Variants in HMGN3 observed in about 807,000 individuals in gnomAD.
HMGN3 encodes the protein high mobility group nucleosome-binding domain-containing protein 3.
Under a neutral mutation model 18.8 loss-of-function variants are expected in HMGN3, and 6 were observed. That is an observed-to-expected ratio of 0.32 (90% CI 0.18 to 0.63). HMGN3 has a LOEUF of 0.63. HMGN3 is among the 30% of genes least tolerant of loss of function. The pLI, the probability that HMGN3 is intolerant of heterozygous loss-of-function variation, is 0.79. For synonymous variants in HMGN3, 40 were observed against 36.5 expected (o/e 1.10, Z -0.35); for missense variants, 107 against 114.2 (o/e 0.94, Z 0.29).
intron 3 of HMGN3, among the ~76,000 whole-genome samples, chr6:79,206,906 A>G (rs1417804023): frequency 1.3e-5 from 2 of 152,220 alleles, no homozygotes; most frequent in African/African-American, 4.8e-5. Context: ...GGATGCAAGA[A>G]AAGGAGTCAA....
At chr6:79,234,546 C>T (rs1307554301) in exon 1 of HMGN3, 2 of 1,611,858 alleles carry the variant, frequency 1.2e-6, no homozygotes, top group Non-Finnish European at 1.7e-6. Flanking sequence ...TAAGACTTAC[C>T]TTTCTCTTCG....
chr6:79,215,080 A>G (rs763791729), intron 1 of HMGN3, 58 bp from the exon 2 acceptor site: 39 of 1,064,726 alleles, frequency 3.7e-5, no homozygotes, highest in Non-Finnish European at 5.3e-5. Context: ...CATTAGAAAA[A>G]TGTTTTTAAA....
intron 2 of HMGN3, among the ~76,000 whole-genome samples, chr6:79,208,969 G>C (rs1776552933): frequency 6.6e-6 from 1 of 152,142 alleles, no homozygotes; most frequent in Non-Finnish European, 1.5e-5. Context: ...CTTAAAAATG[G>C]AACTAAAGCT....
In HMGN3 at chr6:79,226,605, G is replaced by A. The variant is rs141632659; in HGVS notation, c.15+7941C>T. Among the ~76,000 whole-genome samples, 32 of 152,106 alleles carry A rather than the reference G, an allele frequency of 2.1e-4. No homozygotes were observed. In the East Asian group the frequency reaches 4.6e-3, roughly 22 times the overall value. On this transcript the variant is annotated intron_variant, in intron 1 of 5. Coordinates refer to ENST00000344726, the Ensembl canonical transcript of HMGN3. Reference sequence around the variant, plus strand: ...AAGGTGCATTATGAATACAAAACACGTATCTCAGGTCTGGTACACCCAGGC... The same window carrying A: ...AAGGTGCATTATGAATACAAAACACATATCTCAGGTCTGGTACACCCAGGC...
intron 1 of HMGN3, among the ~76,000 whole-genome samples, chr6:79,216,496 G>A (rs180697249): frequency 1.4e-4 from 21 of 152,284 alleles, no homozygotes; most frequent in Admixed American, 1.1e-3. Context: ...AAAGGACCCA[G>A]TGACCTTTCT....
chr6:79,215,661 T>C (rs1246080119), intron 1 of HMGN3, among the ~76,000 whole-genome samples: 2 of 152,228 alleles, frequency 1.3e-5, no homozygotes, highest in Non-Finnish European at 2.9e-5. Context: ...AGCACCTGCC[T>C]CCTCTTGTAA....
intron 5 of HMGN3, 103 bp from the exon 7 acceptor site, chr6:79,201,829 CT>C (rs533500859): frequency 8.3e-4 from 1,109 of 1,340,544 alleles, no homozygotes; most frequent in South Asian, 2.7e-3. Flanking sequence ...CATTTGTTTT[CT>C]TTTTTTTTTC....
At chr6:79,232,108 TTA>T (rs1562007491) in intron 1 of HMGN3, among the ~76,000 whole-genome samples, 1 of 152,204 alleles carries the variant, frequency 6.6e-6, no homozygotes, top group Admixed American at 6.5e-5. Flanking sequence ...TAAAAGCTTA[TTA>T]TATTGTAGAG....
intron 5 of HMGN3, 25 bp from the exon 7 acceptor site, chr6:79,201,751 A>C (rs530700035): frequency 1.1e-5 from 18 of 1,593,596 alleles, no homozygotes; most frequent in South Asian, 7.8e-5. Flanking sequence ...GGAAAAAAAA[A>C]CATATAGTTA....
At chr6:79,207,443 C>T (rs1211338095) in intron 3 of HMGN3, among the ~76,000 whole-genome samples, 2 of 152,162 alleles carry the variant, frequency 1.3e-5, no homozygotes. Context: ...CTCTCTCTGC[C>T]TGCTGCCATC....
At chr6:79,213,033 G>T (rs1776781183) in intron 2 of HMGN3, among the ~76,000 whole-genome samples, 1 of 150,842 alleles carries the variant, frequency 6.6e-6, no homozygotes, top group Non-Finnish European at 1.5e-5. Context: ...AAAATATATA[G>T]AAATAATATA....
chr6:79,204,504 A>G lies in HMGN3; in HGVS notation c.97-874T>C, dbSNP rs1582398875. 3.9e-5 allele frequency among the ~76,000 whole-genome samples: 6 copies of G among 152,326 alleles called. No individual in the cohort carries two copies. The Middle Eastern group carries it at 0.014, about 345-fold the overall frequency. On this transcript the variant is annotated intron_variant, in intron 3 of 5. Coordinates refer to ENST00000344726, the Ensembl canonical transcript of HMGN3. Reference sequence around the variant, plus strand: ...ATAACTGGGGAAAGATAACCATTTTACACCAGGAGTTTTCTGTGGATATTT... The same window carrying G: ...ATAACTGGGGAAAGATAACCATTTTGCACCAGGAGTTTTCTGTGGATATTT...
At chr6:79,234,656 C>T (rs1035961463) in exon 1 of HMGN3, 10 of 1,254,224 alleles carry the variant, frequency 8.0e-6, no homozygotes, top group Admixed American at 6.9e-5. Flanking sequence ...TGCTCACGCG[C>T]AGGGCACGAC....
intron 1 of HMGN3, among the ~76,000 whole-genome samples, chr6:79,232,042 C>G (rs958233992): frequency 4.6e-5 from 7 of 152,060 alleles, no homozygotes; most frequent in African/African-American, 1.7e-4. Context: ...TTCTTGATTT[C>G]TAGGAAAGGT....
intron 3 of HMGN3, among the ~76,000 whole-genome samples, chr6:79,207,441 G>A (rs952995670): frequency 6.6e-6 from 1 of 152,138 alleles, no homozygotes; most frequent in Admixed American, 6.6e-5. Context: ...CTCTCTCTCT[G>A]CCTGCTGCCA....
At chr6:79,209,641 G>C (rs1203281677) in intron 2 of HMGN3, among the ~76,000 whole-genome samples, 1 of 152,144 alleles carries the variant, frequency 6.6e-6, no homozygotes, top group Non-Finnish European at 1.5e-5. Flanking sequence ...TTCTTCCTAA[G>C]GGGGACAGCA....
chr6:79,208,597 T>A (rs1375563206), intron 2 of HMGN3, 21 bp from the exon 3 acceptor site: 2 of 1,584,400 alleles, frequency 1.3e-6, no homozygotes, highest in Non-Finnish European at 1.7e-6. Flanking sequence ...AATGGGAAAA[T>A]ATACATATTT....
At chr6:79,223,959 T>G (rs1359447950) in intron 1 of HMGN3, among the ~76,000 whole-genome samples, 1 of 152,148 alleles carries the variant, frequency 6.6e-6, no homozygotes, top group Non-Finnish European at 1.5e-5. Flanking sequence ...GTGCCATGTG[T>G]ACATCATGGG....
intron 1 of HMGN3, among the ~76,000 whole-genome samples, chr6:79,222,473 C>G (rs1191173902): frequency 3.3e-5 from 5 of 152,318 alleles, no homozygotes; most frequent in African/African-American, 1.2e-4. Context: ...AATGAGGGCA[C>G]TGTCCATGAA....
Sources: allele counts gnomAD v4.1 joint callset (sites outside exome capture counted in the v4.1 genomes callset), GRCh38; gene constraint gnomAD v4.1.1; transcripts MANE v1.5; gene names NCBI Gene and HGNC (gene_info 2026-07-23, HGNC 2026-07-21).